SLC2A9: variants seen among roughly 807,000 people sequenced by gnomAD.
SLC2A9 encodes solute carrier family 2 member 9.
A neutral mutation model predicts 50.6 loss-of-function variants in SLC2A9; 39 were observed. The ratio of observed to expected loss-of-function variants is 0.77; its 90% confidence interval spans 0.60 to 1.01. The LOEUF is 1.01. Ranked by LOEUF, SLC2A9 falls within the 50% of genes least tolerant of loss-of-function variation. The pLI, the probability that SLC2A9 is intolerant of heterozygous loss-of-function variation, is 0.00. For missense variants in SLC2A9, 686 were observed against 677.6 expected (o/e 1.01, Z -0.14); for synonymous variants, 324 against 276.9 (o/e 1.17, Z -1.69).
chr4:9,847,096 G>A (rs1211166352), intron 10 of SLC2A9, among the ~76,000 whole-genome samples: 2 of 152,238 alleles, frequency 1.3e-5, no homozygotes, highest in Admixed American at 6.5e-5. Context: ...GGGATTAAAT[G>A]AGATAATGCT....
intron 10 of SLC2A9, among the ~76,000 whole-genome samples, chr4:9,852,849 C>T (rs775844976): frequency 2.6e-5 from 4 of 152,166 alleles, no homozygotes; most frequent in African/African-American, 9.6e-5. Context: ...ATCAAATCTG[C>T]ACATACCAGT....
chr4:9,912,406 T>G (rs573415133), intron 7 of SLC2A9, among the ~76,000 whole-genome samples: 5 of 152,288 alleles, frequency 3.3e-5, no homozygotes, highest in Non-Finnish European at 7.4e-5. Flanking sequence ...TTTGAAGAAC[T>G]GTGCAGCTGG....
intron 10 of SLC2A9, among the ~76,000 whole-genome samples, chr4:9,851,732 T>G (rs1729962723): frequency 6.6e-6 from 1 of 152,032 alleles, no homozygotes; most frequent in African/African-American, 2.4e-5. Flanking sequence ...AAAACCAAAC[T>G]TATCTGATAG....
chr4:9,837,098 C>A (rs1421998382), intron 10 of SLC2A9, among the ~76,000 whole-genome samples: 1 of 152,170 alleles, frequency 6.6e-6, no homozygotes. Flanking sequence ...GTCCCCTCAC[C>A]TCCCACTACA....
intron 3 of SLC2A9, among the ~76,000 whole-genome samples, chr4:9,799,561 A>G (rs1483545088): frequency 1.3e-5 from 2 of 152,048 alleles, no homozygotes; most frequent in Non-Finnish European, 2.9e-5. Context: ...AAATCTCCAC[A>G]TATGAAATTT....
intron 3 of SLC2A9, among the ~76,000 whole-genome samples, chr4:9,812,212 T>C (rs1325227636): frequency 6.6e-6 from 1 of 152,216 alleles, no homozygotes; most frequent in Non-Finnish European, 1.5e-5. Flanking sequence ...CCCTGATTTT[T>C]AAAAATTATC....
intron 8 of SLC2A9, among the ~76,000 whole-genome samples, chr4:9,899,600 A>G (rs1739221676): frequency 6.6e-6 from 1 of 152,204 alleles, no homozygotes; most frequent in African/African-American, 2.4e-5. Flanking sequence ...AAAACGGAAT[A>G]TAATTCAATG....
At chr4:9,880,492 C>T in intron 10 of SLC2A9, 1 of 985,048 alleles carries the variant, frequency 1.0e-6, no homozygotes, top group Non-Finnish European at 1.2e-6. Flanking sequence ...GCCACAGTTG[C>T]AAACACTTGG....
At chr4:10,014,483 C>A (rs894363970) in intron 2 of SLC2A9, among the ~76,000 whole-genome samples, 1 of 152,210 alleles carries the variant, frequency 6.6e-6, no homozygotes, top group Non-Finnish European at 1.5e-5. Context: ...CTGGATCATG[C>A]TCCTGTTCTG....
intron 5 of SLC2A9, among the ~76,000 whole-genome samples, chr4:9,973,449 G>A (rs1754246631): frequency 1.3e-5 from 2 of 152,118 alleles, no homozygotes; most frequent in East Asian, 3.9e-4. Flanking sequence ...TTTGAAATCA[G>A]CATAACACCA....
At chr4:10,025,737 C>T, upstream of SLC2A9, 1 of 641,546 alleles carries the variant, frequency 1.6e-6, no homozygotes. Context: ...AGACACTCTA[C>T]AATCCCCATG....
intron 1 of SLC2A9, among the ~76,000 whole-genome samples, chr4:10,036,454 A>G (rs1391673086): frequency 6.6e-6 from 1 of 152,272 alleles, no homozygotes; most frequent in Non-Finnish European, 1.5e-5. Flanking sequence ...TCGCTCTTCC[A>G]TAACATTGTG....
intron 4 of SLC2A9, among the ~76,000 whole-genome samples, chr4:9,985,168 A>G (rs576306639): frequency 1.1e-3 from 161 of 152,100 alleles, no homozygotes; most frequent in African/African-American, 2.8e-3. Flanking sequence ...TGTCTACCTT[A>G]TGTATCTGTC....
In SLC2A9 at chr4:9,905,024, C is replaced by T. The variant is rs147875823; in HGVS notation, c.1113+3211G>A. ...CTGTCTCCAGGAATCCCTCCCAGAA[C>T]CCCTTATTTGAGAGGGAAGCTCGTC... On this transcript the variant is annotated intron_variant, in intron 8 of 11. Coordinates refer to ENST00000264784, the MANE Select transcript of SLC2A9 (RefSeq NM_020041.3). Among the ~76,000 whole-genome samples the T allele has an allele frequency of 3.0e-3, 461 of 152,324 alleles. 7 individuals are homozygous for T. Among genetic ancestry groups the T allele is most frequent in the South Asian group, 7.3e-3 (35 of 4,826 alleles).
chr4:10,037,569 G>T (rs961731236), intron 1 of SLC2A9, among the ~76,000 whole-genome samples: 1 of 149,888 alleles, frequency 6.7e-6, no homozygotes, highest in Non-Finnish European at 1.5e-5. Flanking sequence ...CAGTCATCAA[G>T]GTAAATAATA....
chr4:9,950,344 T>C (rs4235348), intron 5 of SLC2A9, among the ~76,000 whole-genome samples: 73,366 of 152,070 alleles, frequency 0.48, 19,083 homozygotes, highest in African/African-American at 0.67. Flanking sequence ...AAAAGTGGTT[T>C]TGAGAATTGG....
intron 3 of SLC2A9, among the ~76,000 whole-genome samples, chr4:9,996,351 C>A (rs376514350): frequency 1.3e-5 from 2 of 152,350 alleles, no homozygotes; most frequent in Admixed American, 6.5e-5. Context: ...TGCCCCAACA[C>A]CCAGATCAAT....
chr4:9,878,819 C>G (rs1047589973), intron 10 of SLC2A9, among the ~76,000 whole-genome samples: 1 of 152,064 alleles, frequency 6.6e-6, no homozygotes, highest in Non-Finnish European at 1.5e-5. Flanking sequence ...CCCTTTAACT[C>G]TTTCTGACAC....
In SLC2A9 at chr4:9,996,520, C is replaced by T. The variant is rs75241535; in HGVS notation, c.410+261G>A. Among the ~76,000 whole-genome samples, 4,691 of 152,278 alleles carry T rather than the reference C, an allele frequency of 0.031. 248 individuals are homozygous for T. The highest frequency in any genetic ancestry group is 0.11 in the African/African-American group (4,456 of 41,540). ...GAGGGGTCAGGGCATTTCTTCCCTG[C>T]TCCTCCCCCATGTGGGTGCTGTGGC... On this transcript the variant is annotated intron_variant, in intron 3 of 11. Coordinates refer to ENST00000264784, the MANE Select transcript of SLC2A9 (RefSeq NM_020041.3).
Sources: allele counts gnomAD v4.1 joint callset (sites outside exome capture counted in the v4.1 genomes callset), GRCh38; gene constraint gnomAD v4.1.1; transcripts MANE v1.5; gene names NCBI Gene and HGNC (gene_info 2026-07-23, HGNC 2026-07-21).